Variants in PPP1R9A observed in about 807,000 individuals in gnomAD.
PPP1R9A encodes the protein protein phosphatase 1 regulatory subunit 9A, also known as neurabin-1.
In PPP1R9A, 59 loss-of-function variants were observed where a neutral mutation model predicts 141.9. The observed-to-expected ratio is 0.42, with a 90% CI of 0.34 to 0.52. The LOEUF (loss-of-function observed/expected upper bound fraction) is 0.52. Among genes scored for constraint, PPP1R9A ranks in the 20% least tolerant of loss-of-function variants. The pLI is 0.10. For synonymous variants in PPP1R9A, 500 were observed against 569.7 expected (o/e 0.88, Z 1.74); for missense variants, 1,444 against 1,611.9 (o/e 0.90, Z 1.78).
Position 94,911,104 on chromosome 7 carries a change from A to T in PPP1R9A, c.991A>T (p.Met331Leu). The T allele has an allele frequency of 6.2e-7, 1 of 1,614,070 alleles. No homozygotes were observed. The highest frequency in any genetic ancestry group is 8.5e-7 in the Non-Finnish European group (1 of 1,180,018). Residue 331 changes from methionine to leucine, a missense_variant, in exon 2 of 20, where the codon ATG (methionine) becomes TTG (leucine). Physicochemically the swap from Met to Leu is conservative, Grantham distance 15. Transcript: ENST00000433360. ...PEEPCAESKA[M>L]PKSEIPSPQS... ...AGAACCTTGTGCTGAAAGTAAGGCA[A>T]TGCCAAAGTCCGAAATCCCTTCACC...
intron 2 of PPP1R9A, among the ~76,000 whole-genome samples, chr7:94,952,822 A>G (rs1468171268): frequency 6.6e-6 from 1 of 151,622 alleles, no homozygotes; most frequent in Non-Finnish European, 1.5e-5. Flanking sequence ...TTTTCTTGTA[A>G]ATTTGTTTAA....
chr7:95,290,405 G>A lies in PPP1R9A; in HGVS notation c.*102G>A, dbSNP rs868339584. 26 of 1,304,096 alleles carry A rather than the reference G, an allele frequency of 2.0e-5. No homozygotes were observed. Among genetic ancestry groups the A allele is most frequent in the Non-Finnish European group, 2.6e-5 (25 of 963,522 alleles). The allele number at this position is 1,304,096 out of a possible 1,614,324, so 80.8% of individuals were successfully genotyped here. On this transcript the variant is annotated 3_prime_UTR_variant, in exon 20 of 20. Coordinates refer to ENST00000433360, the MANE Select transcript of PPP1R9A (RefSeq NM_001166160.2). The stretch of plus-strand genomic sequence containing the variant: ...ATGAAAAAGAAACTAAATGATAAGG[G>A]TAATGCGGCTCTAGGCCGGCTGAGG...
intron 2 of PPP1R9A, among the ~76,000 whole-genome samples, chr7:95,069,585 A>G (rs1045392016): frequency 1.6e-4 from 25 of 152,142 alleles, no homozygotes; most frequent in Admixed American, 5.2e-4. Context: ...TGCCCCAACC[A>G]TTGTATTTGT....
intron 4 of PPP1R9A, among the ~76,000 whole-genome samples, chr7:95,150,106 A>G (rs1317542088): frequency 6.6e-6 from 1 of 151,806 alleles, no homozygotes; most frequent in East Asian, 1.9e-4. Context: ...ATTAGAGAAA[A>G]TACAGTCTTT....
chr7:95,136,070 G>A (rs956997158), intron 4 of PPP1R9A, among the ~76,000 whole-genome samples: 2 of 151,984 alleles, frequency 1.3e-5, no homozygotes, highest in African/African-American at 4.8e-5. Context: ...ATTGCCATTT[G>A]TAGTCATTTG....
intron 2 of PPP1R9A, among the ~76,000 whole-genome samples, chr7:94,932,990 C>G (rs1175241029): frequency 6.6e-6 from 1 of 151,866 alleles, no homozygotes; most frequent in Non-Finnish European, 1.5e-5. Context: ...TAAGCACACA[C>G]AGATATAGAT....
At chr7:95,094,315 G>A (rs1817732619) in intron 2 of PPP1R9A, among the ~76,000 whole-genome samples, 1 of 152,106 alleles carries the variant, frequency 6.6e-6, no homozygotes, top group African/African-American at 2.4e-5. Context: ...ATCTCCATTA[G>A]AAAGTAATAC....
intron 7 of PPP1R9A, among the ~76,000 whole-genome samples, chr7:95,218,502 A>G (rs1793859129): frequency 1.3e-5 from 2 of 152,164 alleles, no homozygotes; most frequent in Admixed American, 6.5e-5. Context: ...TGCAGAGCTG[A>G]GTTCAATTCC....
chr7:95,052,707 C>T (rs1810987903), intron 2 of PPP1R9A, among the ~76,000 whole-genome samples: 1 of 152,102 alleles, frequency 6.6e-6, no homozygotes, highest in South Asian at 2.1e-4. Flanking sequence ...TTGTCAGTTC[C>T]TCATCTTCTC....
At chr7:95,199,259 T>C (rs1414780516) in intron 6 of PPP1R9A, among the ~76,000 whole-genome samples, 1 of 152,184 alleles carries the variant, frequency 6.6e-6, no homozygotes, top group African/African-American at 2.4e-5. Context: ...TAAACATTCA[T>C]GTGTTTCATA....
chr7:95,026,804 G>A (rs899580707), intron 2 of PPP1R9A, among the ~76,000 whole-genome samples: 2 of 152,092 alleles, frequency 1.3e-5, no homozygotes, highest in Non-Finnish European at 2.9e-5. Flanking sequence ...ATCTGGAGAG[G>A]CAGTCTGGCT....
intron 7 of PPP1R9A, among the ~76,000 whole-genome samples, chr7:95,221,413 C>T (rs1400791679): frequency 6.6e-6 from 1 of 152,050 alleles, no homozygotes; most frequent in African/African-American, 2.4e-5. Context: ...ACTTAACCAA[C>T]TCCCCAATAT....
intron 2 of PPP1R9A, among the ~76,000 whole-genome samples, chr7:94,922,377 A>AT (rs1792958892): frequency 1.3e-5 from 2 of 152,052 alleles, no homozygotes; most frequent in Middle Eastern, 3.4e-3. Flanking sequence ...GAGATTGAAG[A>AT]TTTTTTATGT....
intron 2 of PPP1R9A, among the ~76,000 whole-genome samples, chr7:94,927,068 T>G (rs1793571613): frequency 1.3e-5 from 2 of 152,118 alleles, no homozygotes; most frequent in Admixed American, 6.5e-5. Flanking sequence ...TAGAAACAAG[T>G]TTTTCCTAGG....
chr7:95,161,021 T>C (rs1830400403), intron 4 of PPP1R9A, among the ~76,000 whole-genome samples: 1 of 152,214 alleles, frequency 6.6e-6, no homozygotes, highest in Admixed American at 6.5e-5. Context: ...TTTGTTTTCT[T>C]TTGAATATAT....
At chr7:95,144,146 C>G (rs948378579) in intron 4 of PPP1R9A, among the ~76,000 whole-genome samples, 2 of 152,032 alleles carry the variant, frequency 1.3e-5, no homozygotes, top group South Asian at 4.1e-4. Flanking sequence ...AAACCTCTCC[C>G]CATTTGCCCC....
At chr7:95,105,769 A>G (rs1819427245) in intron 2 of PPP1R9A, among the ~76,000 whole-genome samples, 1 of 152,228 alleles carries the variant, frequency 6.6e-6, no homozygotes, top group Non-Finnish European at 1.5e-5. Flanking sequence ...GATCATGTAG[A>G]TGAAAGGGCT....
chr7:95,064,152 T>G (rs924136088), intron 2 of PPP1R9A, among the ~76,000 whole-genome samples: 1 of 152,304 alleles, frequency 6.6e-6, no homozygotes, highest in East Asian at 1.9e-4. Flanking sequence ...TATAGAACCA[T>G]TGTTGTTTGC....
At chr7:95,013,437 G>A (rs1039740311) in intron 2 of PPP1R9A, among the ~76,000 whole-genome samples, 3 of 151,782 alleles carry the variant, frequency 2.0e-5, no homozygotes, top group Admixed American at 2.0e-4. Flanking sequence ...TTATTATATA[G>A]TTTCTCTGTC....
Sources: allele counts gnomAD v4.1 joint callset (sites outside exome capture counted in the v4.1 genomes callset), GRCh38; gene constraint gnomAD v4.1.1; transcripts MANE v1.5; gene names NCBI Gene and HGNC (gene_info 2026-07-23, HGNC 2026-07-21).